The following PEAK1 variants were observed in gnomAD, a reference collection of about 807,000 sequenced individuals.
The protein encoded by PEAK1 is pseudopodium enriched atypical kinase 1.
Under a neutral mutation model 124.7 loss-of-function variants are expected in PEAK1, and 54 were observed. That is an observed-to-expected ratio of 0.43 (90% CI 0.35 to 0.54). The LOEUF (loss-of-function observed/expected upper bound fraction) is 0.54. Among genes scored for constraint, PEAK1 ranks in the 20% least tolerant of loss-of-function variants. The pLI is 0.01. For missense variants in PEAK1, 2,046 were observed against 2,134.5 expected, an observed-to-expected ratio of 0.96 and a Z score of 0.82; for synonymous variants, 719 against 760.0, an observed-to-expected ratio of 0.95 and a Z score of 0.89.
intron 6 of PEAK1, among the ~76,000 whole-genome samples, chr15:77,249,462 T>C (rs1427382357): frequency 1.3e-5 from 2 of 152,210 alleles, no homozygotes; most frequent in Admixed American, 1.3e-4. Context: ...AAATTTCTAG[T>C]TGTGCAAATT....
At chr15:77,417,276 C>G in intron 1 of PEAK1, 1 of 875,244 alleles carries the variant, frequency 1.1e-6, no homozygotes, top group Non-Finnish European at 1.4e-6. Context: ...ACCACCATGC[C>G]TGGCACTTAA....
chr15:77,411,239 A>T (rs1343717556), intron 1 of PEAK1, among the ~76,000 whole-genome samples: 4 of 152,100 alleles, frequency 2.6e-5, no homozygotes, highest in Non-Finnish European at 5.9e-5. Context: ...GAAACATTTG[A>T]TTGTATGCAG....
At chr15:77,347,968 G>A in intron 2 of PEAK1, 4 of 984,986 alleles carry the variant, frequency 4.1e-6, no homozygotes, top group African/African-American at 1.7e-5. Context: ...ATACTGTATA[G>A]GTTGCATAAT....
chr15:77,163,546 G>A (rs1337785088), intron 7 of PEAK1, among the ~76,000 whole-genome samples: 3 of 152,120 alleles, frequency 2.0e-5, no homozygotes, highest in Admixed American at 1.3e-4. Context: ...TGGGATATTC[G>A]TTCAAGACAG....
rs1349214703 is a variant in PEAK1 at position 77,114,291 on chromosome 15, G to A, written c.5106C>T (p.Leu1702=). 6.8e-6 allele frequency: 11 copies of A among 1,614,196 alleles called. No individual in the cohort carries two copies. Among genetic ancestry groups the A allele is most frequent in the Non-Finnish European group, 9.3e-6 (11 of 1,180,034 alleles). Residue 1702 remains leucine (L), a synonymous_variant, in exon 10 of 10, where the codon CTC becomes CTT. Transcript: ENST00000682557. ...GGGACTTCTCAGCAAACTTGATCAT[G>A]AGCAGTGTTCGCTTGATGTCTAGCC... is the stretch of plus-strand genomic sequence containing the variant. ...QNWLDIKRTL[L]MIKFAEKSLD...
At position 77,319,088 on chromosome 15, in the gene PEAK1, CTATGA is replaced by C. The variant is rs111552213; in HGVS notation, c.-602-32589_-602-32585del. 8.5e-3 allele frequency among the ~76,000 whole-genome samples: 1,296 copies of C among 152,280 alleles called. 17 individuals carry two copies. The highest frequency in any genetic ancestry group is 0.03 in the African/African-American group (1,236 of 41,556). On this transcript the variant is annotated intron_variant, in intron 2 of 9. Transcript: ENST00000682557. Reference sequence around the variant, plus strand: ...CCAGCTATAACAATATTCATAATCACTATGATATAATACTTTGAAATTTAGTAACT... The same window carrying C: ...CCAGCTATAACAATATTCATAATCACTATAATACTTTGAAATTTAGTAACT...
chr15:77,163,259 T>G (rs189742464), intron 7 of PEAK1, among the ~76,000 whole-genome samples: 1 of 152,354 alleles, frequency 6.6e-6, no homozygotes, highest in Admixed American at 6.5e-5. Flanking sequence ...ATGTCTGACC[T>G]AATACTTAAA....
At chr15:77,368,247 G>A (rs1285281696) in intron 1 of PEAK1, among the ~76,000 whole-genome samples, 3 of 152,130 alleles carry the variant, frequency 2.0e-5, no homozygotes, top group African/African-American at 7.2e-5. Context: ...CAGGCATGGT[G>A]GCTCATGCCT....
chr15:77,183,560 T>G (rs111782915), intron 6 of PEAK1, among the ~76,000 whole-genome samples: 36 of 152,276 alleles, frequency 2.4e-4, no homozygotes, highest in African/African-American at 7.5e-4. Flanking sequence ...CTCCCCAAAA[T>G]GGAATTTCAT....
At chr15:77,365,972 T>C (rs1473875393) in intron 1 of PEAK1, among the ~76,000 whole-genome samples, 2 of 152,048 alleles carry the variant, frequency 1.3e-5, no homozygotes, top group African/African-American at 2.4e-5. Flanking sequence ...GTAAATTAAA[T>C]AAAACCAATG....
intron 7 of PEAK1, among the ~76,000 whole-genome samples, chr15:77,163,067 T>G (rs1168824555): frequency 6.6e-6 from 1 of 152,240 alleles, no homozygotes; most frequent in Non-Finnish European, 1.5e-5. Context: ...ATAACTATGG[T>G]GTTGATATCT....
chr15:77,269,694 A>G (rs1567193076), intron 5 of PEAK1, among the ~76,000 whole-genome samples: 2 of 152,236 alleles, frequency 1.3e-5, no homozygotes, highest in African/African-American at 4.8e-5. Context: ...TATACATTCT[A>G]TTCAACACAT....
intron 1 of PEAK1, among the ~76,000 whole-genome samples, chr15:77,387,332 T>C (rs1250618040): frequency 6.6e-6 from 1 of 152,226 alleles, no homozygotes; most frequent in Non-Finnish European, 1.5e-5. Flanking sequence ...GTAAATATAA[T>C]TAGCCTGCTC....
At chr15:77,121,792 G>A (rs1465876876) in intron 9 of PEAK1, among the ~76,000 whole-genome samples, 1 of 152,094 alleles carries the variant, frequency 6.6e-6, no homozygotes, top group Non-Finnish European at 1.5e-5. Context: ...GCATTCTATA[G>A]TGCCTCAGTG....
chr15:77,254,076 T>A (rs1451575083), intron 5 of PEAK1, among the ~76,000 whole-genome samples: 1 of 152,186 alleles, frequency 6.6e-6, no homozygotes, highest in Non-Finnish European at 1.5e-5. Context: ...TGCCTTGGCC[T>A]CCCAAAGTGC....
intron 1 of PEAK1, among the ~76,000 whole-genome samples, chr15:77,388,537 C>T (rs958548340): frequency 6.6e-6 from 1 of 152,166 alleles, no homozygotes; most frequent in Non-Finnish European, 1.5e-5. Flanking sequence ...TGTCAACTAA[C>T]TCAGGAAATA....
At chr15:77,254,665 TCAAGCTATCTTCCCAC>T (rs1369727679) in intron 5 of PEAK1, among the ~76,000 whole-genome samples, 19 of 152,170 alleles carry the variant, frequency 1.2e-4, no homozygotes, top group African/African-American at 4.6e-4. Context: ...ACTCCTGGGC[TCAAGCTATCTTCCCAC>T]CACAGCCTTT....
intron 8 of PEAK1, among the ~76,000 whole-genome samples, chr15:77,142,176 T>C (rs1025899009): frequency 1.3e-5 from 2 of 152,238 alleles, no homozygotes; most frequent in Non-Finnish European, 2.9e-5. Flanking sequence ...AAGATTTGCA[T>C]AGCTATTTCT....
At chr15:77,419,036 C>G (rs1202791226) in intron 1 of PEAK1, 2 of 985,388 alleles carry the variant, frequency 2.0e-6, no homozygotes, top group Non-Finnish European at 2.4e-6. Flanking sequence ...ATTAGGTTTT[C>G]TATAGCAAGG....
Sources: gnomAD v4.1 joint callset for allele counts (sites outside exome capture counted in the v4.1 genomes callset) on GRCh38, gnomAD v4.1.1 for gene constraint, MANE v1.5 for transcripts, NCBI Gene and HGNC (gene_info 2026-07-23, HGNC 2026-07-21) for gene names.